The following PPP2R3B variants were observed in gnomAD, a reference collection of about 807,000 sequenced individuals.
The protein encoded by PPP2R3B is protein phosphatase 2 regulatory subunit B''beta, also known as serine/threonine-protein phosphatase 2A regulatory subunit B'' subunit beta.
A neutral mutation model predicts 72.9 loss-of-function variants in PPP2R3B; 68 were observed. The ratio of observed to expected loss-of-function variants is 0.93; its 90% confidence interval spans 0.77 to 1.14. The LOEUF (loss-of-function observed/expected upper bound fraction) is 1.14. Ranked by LOEUF, PPP2R3B falls within the 50% of genes most tolerant of loss-of-function variation. The probability of loss-of-function intolerance (pLI) is 0.00; values close to 1 mark genes in which losing one functional copy is unlikely to be tolerated. For synonymous variants in PPP2R3B, 466 were observed against 375.8 expected (o/e 1.24, Z -2.78); for missense variants, 1,018 against 842.0 (o/e 1.21, Z -2.59).
intron 8 of PPP2R3B, 165 bp downstream of exon 8, chrX:341,718 C>A (rs745908880): frequency 5.9e-5 from 47 of 797,478 alleles, no homozygotes; most frequent in Middle Eastern, 3.6e-4. Flanking sequence ...CACCCCCCCC[C>A]ACTAGGGATT....
At chrX:363,550 C>CCCACAGTGCATCT (rs2071601623) in intron 1 of PPP2R3B, among the ~76,000 whole-genome samples, 1 of 148,608 alleles carries the variant, frequency 6.7e-6, no homozygotes, top group African/African-American at 2.5e-5. Flanking sequence ...AGCCCGCGAT[C>CCCACAGTGCATCT]CCGCAGTGCA....
At chrX:358,972 G>T (rs1412605860) in intron 2 of PPP2R3B, among the ~76,000 whole-genome samples, 1 of 151,688 alleles carries the variant, frequency 6.6e-6, no homozygotes, top group African/African-American at 2.4e-5. Flanking sequence ...GCGCCCTGGC[G>T]GGGAAGCACC....
chrX:369,146 A>G (rs4906977), intron 1 of PPP2R3B, among the ~76,000 whole-genome samples: 65,638 of 151,994 alleles, frequency 0.43, 14,901 homozygotes, highest in African/African-American at 0.58. Context: ...GCCCTGCCCC[A>G]AACGTAGCCG....
chrX:351,596 T>C (rs1206046621), intron 2 of PPP2R3B, among the ~76,000 whole-genome samples: 12 of 142,812 alleles, frequency 8.4e-5, no homozygotes, highest in Non-Finnish European at 1.5e-4. Context: ...TGGAGTGCAG[T>C]GTGTGATCAC....
Position 341,332 on chromosome X carries a change from C to T in PPP2R3B, c.1150G>A (p.Glu384Lys). 6.2e-7 allele frequency: 1 copy of T among 1,612,602 alleles called. No individual in the cohort carries two copies. The change falls in exon 9 of 13, where the codon GAG becomes AAG. Residue 384 changes from glutamate to lysine, a missense_variant. Physicochemically the swap from Glu to Lys is moderately conservative, Grantham distance 56. Transcript: ENST00000390665. The stretch of plus-strand genomic sequence containing the variant: ...CTGGTCGGTGTTTTTTTGTCTTCCT[C>T]AGAGATCAAAAACCAGACAAAGTCG... ...YADFVWFLIS[E>K]EDKKTPTSIE...
intron 2 of PPP2R3B, among the ~76,000 whole-genome samples, chrX:348,445 G>A (rs143592705): frequency 0.011 from 1,627 of 151,864 alleles, 34 homozygotes; most frequent in African/African-American, 0.035. Flanking sequence ...GCATGGTGGC[G>A]GGCGCCTGTA....
At chrX:346,041 AGGTGGG>A (rs1207199896) in intron 6 of PPP2R3B, 127 bp downstream of exon 6, 132,664 of 464,268 alleles carry the variant, frequency 0.29, 17,966 homozygotes, top group Middle Eastern at 0.34. Context: ...AGCGCGGTGG[AGGTGGG>A]GGTGGGGGTG....
At position 345,589 on chromosome X, in the gene PPP2R3B, G is replaced by T; in HGVS notation, c.963C>A (p.Cys321Ter). The change falls in exon 7 of 13, where the codon TGC (cysteine) becomes TGA (stop). Residue 321 changes from cysteine (C) to a stop codon, truncating the protein, a stop_gained. Transcript: ENST00000390665. LOFTEE classifies it high-confidence loss of function. ...GGTCCGTGTCCAGCTCCCAGAACTTGCAGTAGATGACGTAGAAATGCTCGT... is the reference window on the plus strand; with the variant it reads ...GGTCCGTGTCCAGCTCCCAGAACTTTCAGTAGATGACGTAGAAATGCTCGT... ...FSYEHFYVIY[C>*]KFWELDTDHD... 2 of 1,613,316 alleles carry T rather than the reference G, an allele frequency of 1.2e-6. No individual in the cohort carries two copies.
At chrX:382,120 C>T (rs780289687) in intron 1 of PPP2R3B, among the ~76,000 whole-genome samples, 5 of 152,214 alleles carry the variant, frequency 3.3e-5, no homozygotes, top group South Asian at 2.1e-4. Flanking sequence ...ACGGTCCACA[C>T]GCATCCTTCC....
At chrX:338,383 A>C in intron 12 of PPP2R3B, 1 of 607,102 alleles carries the variant, frequency 1.6e-6, no homozygotes, top group Non-Finnish European at 2.9e-6. Context: ...CACGCGGGGA[A>C]TGACGGGCAG....
At chrX:347,453 C>G in intron 3 of PPP2R3B, 117 bp from the exon 4 acceptor site, 2 of 1,346,490 alleles carry the variant, frequency 1.5e-6, no homozygotes, top group South Asian at 1.2e-5. Flanking sequence ...TGGCCACACA[C>G]GACGGCCAGG....
chrX:358,080 CTCAT>C (rs2071470997), intron 2 of PPP2R3B, among the ~76,000 whole-genome samples: 2 of 152,332 alleles, frequency 1.3e-5, no homozygotes, highest in South Asian at 4.1e-4. Flanking sequence ...ACTCCAGGCC[CTCAT>C]TCAGTCACTC....
At chrX:344,194 G>GC (rs2071143590) in intron 7 of PPP2R3B, among the ~76,000 whole-genome samples, 1 of 91,284 alleles carries the variant, frequency 1.1e-5, no homozygotes, top group Admixed American at 1.1e-4. Context: ...GCGGGAGTGA[G>GC]ACCTCAGCAA....
chrX:367,451 C>T (rs1465790263), intron 1 of PPP2R3B, among the ~76,000 whole-genome samples: 9 of 149,494 alleles, frequency 6.0e-5, no homozygotes, highest in Non-Finnish European at 1.2e-4. Context: ...TTTATAGAGA[C>T]GGGGTCTCGC....
chrX:363,402 A>AATCCCACAGTGCATCTCCCCGAGCCCGCG (rs2071591844), intron 1 of PPP2R3B, among the ~76,000 whole-genome samples: 1 of 5,332 alleles, frequency 1.9e-4, no homozygotes, highest in Non-Finnish European at 4.5e-4. Flanking sequence ...CCGAGCCCGC[A>AATCCCACAGTGCATCTCCCCGAGCCCGCG]ATCCCACAGT....
At position 347,607 on chromosome X, in the gene PPP2R3B, G is replaced by A. The variant is rs967175813; in HGVS notation, c.597C>T (p.Phe199=). 5.7e-6 allele frequency: 9 copies of A among 1,579,356 alleles called. No individual in the cohort carries two copies. The highest frequency in any genetic ancestry group is 3.6e-5 in the Admixed American group (2 of 54,976). The stretch of plus-strand genomic sequence containing the variant: ...GGACTCACTTTCTCCACATGGCGAC[G>A]AACTTGTGGACGGACACGGAGCCCG... The part of the protein sequence containing the change: ...ERTGSVSVHK[F]VAMWRKILQN... Residue 199 remains phenylalanine (F), a synonymous_variant, in exon 3 of 13, where the codon TTC becomes TTT. Transcript: ENST00000390665.
rs1426652302 is a variant in PPP2R3B at position 386,711 on chromosome X, G to GCGCCCCCGGACGCCCGCGC, written c.-39_-21dup. 1.2e-5 allele frequency: 15 copies of GCGCCCCCGGACGCCCGCGC among 1,249,076 alleles called. No homozygotes were observed. Among genetic ancestry groups the GCGCCCCCGGACGCCCGCGC allele is most frequent in the East Asian group, 3.4e-5 (1 of 29,110 alleles). 77.4% of individuals were successfully genotyped at this position (1,249,076 alleles called of 1,614,324 possible). ...CGGCATGGCGGGGGCTGGGCCCGCGGCGCCCCCGGACGCCCGCGCCCCGCC... is the reference window on the plus strand; with the variant it reads ...CGGCATGGCGGGGGCTGGGCCCGCGGCGCCCCCGGACGCCCGCGCCGCCCCCGGACGCCCGCGCCCCGCC... On this transcript the variant is annotated 5_prime_UTR_variant, in exon 1 of 13. Transcript: ENST00000390665.
Position 347,638 on chromosome X carries a change from TC to T in PPP2R3B, c.565del (p.Glu189SerfsTer34). 1 of 1,572,090 alleles carries T rather than the reference TC, an allele frequency of 6.4e-7. No individual in the cohort carries two copies. The highest frequency in any genetic ancestry group is 1.3e-5 in the African/African-American group (1 of 74,124). ...KGPLFYGAGG[E>X]RTGSVSVHKF... is the part of the protein sequence containing the mutation. Reference sequence around the variant, plus strand: ...GTGGACGGACACGGAGCCCGTGCGCTCCCCGCCGGCGCCATAGAAGAGCGGC... The same window carrying T: ...GTGGACGGACACGGAGCCCGTGCGCTCCCGCCGGCGCCATAGAAGAGCGGC... On this transcript the variant is annotated frameshift_variant, in exon 3 of 13. Transcript: ENST00000390665. LOFTEE classifies it high-confidence loss of function.
chrX:343,713 A>G (rs1313790660), intron 7 of PPP2R3B, among the ~76,000 whole-genome samples: 4 of 59,458 alleles, frequency 6.7e-5, no homozygotes, highest in African/African-American at 2.5e-4. Flanking sequence ...GTGAGACCTC[A>G]GCAACGGGAG....
Sources: gnomAD v4.1 joint callset for allele counts (sites outside exome capture counted in the v4.1 genomes callset) on GRCh38, gnomAD v4.1.1 for gene constraint, MANE v1.5 for transcripts, NCBI Gene and HGNC (gene_info 2026-07-23, HGNC 2026-07-21) for gene names.